NAALADL2: variants seen among roughly 807,000 people sequenced by gnomAD.
The protein encoded by NAALADL2 is inactive N-acetylated-alpha-linked acidic dipeptidase-like protein 2.
A neutral mutation model predicts 87.2 loss-of-function variants in NAALADL2; 76 were observed. That is an observed-to-expected ratio of 0.87 (90% CI 0.72 to 1.05). NAALADL2 has a LOEUF of 1.05. Among genes scored for constraint, NAALADL2 ranks in the 50% least tolerant of loss-of-function variants. The pLI, the probability that NAALADL2 is intolerant of heterozygous loss-of-function variation, is 0.00. For missense variants in NAALADL2, 1,089 were observed against 945.8 expected, an observed-to-expected ratio of 1.15 and a Z score of -1.99; for synonymous variants, 354 against 331.0, an observed-to-expected ratio of 1.07 and a Z score of -0.75.
At chr3:175,717,995 G>A (rs541335388) in intron 11 of NAALADL2, among the ~76,000 whole-genome samples, 2 of 150,434 alleles carry the variant, frequency 1.3e-5, no homozygotes, top group Non-Finnish European at 2.9e-5. Flanking sequence ...GTATTTTTTT[G>A]TTGTTGTTGT....
intron 2 of NAALADL2, among the ~76,000 whole-genome samples, chr3:175,199,776 G>A (rs1279783762): frequency 8.1e-6 from 1 of 123,474 alleles, no homozygotes; most frequent in Non-Finnish European, 1.6e-5. Flanking sequence ...GCTGCGTTAA[G>A]ACAGTATCTT....
chr3:174,924,547 T>C (rs549202053), intron 1 of NAALADL2, among the ~76,000 whole-genome samples: 3 of 152,216 alleles, frequency 2.0e-5, no homozygotes, highest in African/African-American at 7.2e-5. Context: ...TTTATAGCAG[T>C]ATGATTTATA....
chr3:174,491,952 A>G (rs1318509277), intron 1 of NAALADL2, among the ~76,000 whole-genome samples: 2 of 152,178 alleles, frequency 1.3e-5, no homozygotes, highest in African/African-American at 4.8e-5. Context: ...TAAAAAATAG[A>G]TACAGTGATG....
chr3:174,721,346 C>T (rs1185810312), intron 2 of NAALADL2, among the ~76,000 whole-genome samples: 1 of 152,052 alleles, frequency 6.6e-6, no homozygotes, highest in African/African-American at 2.4e-5. Context: ...TAGATATTTC[C>T]TTTCCTCAAA....
intron 1 of NAALADL2, among the ~76,000 whole-genome samples, chr3:174,443,417 A>C (rs1250392923): frequency 6.6e-6 from 1 of 152,242 alleles, no homozygotes; most frequent in East Asian, 1.9e-4. Flanking sequence ...TTGCCTAAGC[A>C]ACTGGAAAGA....
chr3:175,705,739 C>T (rs1276124479), intron 11 of NAALADL2, among the ~76,000 whole-genome samples: 2 of 152,124 alleles, frequency 1.3e-5, no homozygotes, highest in Non-Finnish European at 2.9e-5. Context: ...ACTTGCCCAA[C>T]TGCCTTGTCC....
At chr3:174,960,734 A>G (rs1741852798) in intron 1 of NAALADL2, among the ~76,000 whole-genome samples, 1 of 152,054 alleles carries the variant, frequency 6.6e-6, no homozygotes, top group South Asian at 2.1e-4. Flanking sequence ...AAAATACTTA[A>G]TGGATTTTCT....
At chr3:175,600,844 A>G (rs1203068171) in intron 10 of NAALADL2, among the ~76,000 whole-genome samples, 4 of 152,046 alleles carry the variant, frequency 2.6e-5, no homozygotes, top group African/African-American at 9.7e-5. Context: ...GCCGTGTCTT[A>G]GTCTTAATCA....
intron 2 of NAALADL2, among the ~76,000 whole-genome samples, chr3:174,597,431 G>A (rs1718024500): frequency 6.6e-6 from 1 of 152,094 alleles, no homozygotes; most frequent in South Asian, 2.1e-4. Flanking sequence ...TTTTTATCAG[G>A]GAATGCTTGG....
At chr3:175,194,978 T>C (rs1223726002) in intron 2 of NAALADL2, among the ~76,000 whole-genome samples, 6 of 151,748 alleles carry the variant, frequency 4.0e-5, no homozygotes, top group Non-Finnish European at 8.9e-5. Flanking sequence ...AATGTAGTAT[T>C]ATTCCCTTAA....
At chr3:174,446,256 A>G (rs1715041584) in intron 1 of NAALADL2, among the ~76,000 whole-genome samples, 1 of 152,304 alleles carries the variant, frequency 6.6e-6, no homozygotes, top group East Asian at 1.9e-4. Context: ...TTAGATGGTC[A>G]GTCATGAAAA....
chr3:175,499,692 C>T (rs1191185328), intron 9 of NAALADL2, among the ~76,000 whole-genome samples: 1 of 152,112 alleles, frequency 6.6e-6, no homozygotes, highest in Non-Finnish European at 1.5e-5. Context: ...TCCAGTTGGA[C>T]AGATCCCACT....
intron 1 of NAALADL2, among the ~76,000 whole-genome samples, chr3:174,871,589 A>G (rs544582790): frequency 2.0e-5 from 3 of 152,306 alleles, no homozygotes; most frequent in East Asian, 1.9e-4. Context: ...CTAGAAACAT[A>G]CATCTGAGCT....
At chr3:174,885,651 A>G (rs999656822) in intron 1 of NAALADL2, among the ~76,000 whole-genome samples, 1 of 152,066 alleles carries the variant, frequency 6.6e-6, no homozygotes, top group Non-Finnish European at 1.5e-5. Flanking sequence ...CCAACTCCAG[A>G]AACCCCAAAA....
At chr3:175,029,084 T>A (rs2108902505) in intron 1 of NAALADL2, among the ~76,000 whole-genome samples, 1 of 150,340 alleles carries the variant, frequency 6.7e-6, no homozygotes, top group Non-Finnish European at 1.5e-5. Flanking sequence ...AAAATGTGCA[T>A]GCAATTTCAA....
intron 2 of NAALADL2, among the ~76,000 whole-genome samples, chr3:175,129,984 AATG>A (rs1265969605): frequency 4.6e-5 from 7 of 152,296 alleles, no homozygotes; most frequent in Admixed American, 3.9e-4. Context: ...CTCTTGTCTT[AATG>A]ATAATAGCTA....
At chr3:175,087,051 A>G (rs1388347121) in intron 1 of NAALADL2, among the ~76,000 whole-genome samples, 1 of 152,200 alleles carries the variant, frequency 6.6e-6, no homozygotes, top group Non-Finnish European at 1.5e-5. Flanking sequence ...AAAAAATATT[A>G]ATGTAAAATA....
chr3:175,295,072 C>T (rs1235092243), intron 4 of NAALADL2, among the ~76,000 whole-genome samples: 1 of 152,124 alleles, frequency 6.6e-6, no homozygotes, highest in East Asian at 1.9e-4. Context: ...TGTGTCAATA[C>T]ATGCAGTCAG....
At chr3:175,072,598 ACT>A (rs1250087146) in intron 1 of NAALADL2, among the ~76,000 whole-genome samples, 2 of 147,388 alleles carry the variant, frequency 1.4e-5, no homozygotes, top group African/African-American at 5.0e-5. Flanking sequence ...TTACTACTAG[ACT>A]TCTCATTGTT....
Sources: allele counts gnomAD v4.1 joint callset (sites outside exome capture counted in the v4.1 genomes callset), GRCh38; gene constraint gnomAD v4.1.1; transcripts MANE v1.5; gene names NCBI Gene and HGNC (gene_info 2026-07-23, HGNC 2026-07-21).